The following MGMT variants were observed in gnomAD, a reference collection of about 807,000 sequenced individuals.
MGMT encodes methylated-DNA--protein-cysteine methyltransferase.
Under a neutral mutation model 15.9 loss-of-function variants are expected in MGMT, and 14 were observed. That is an observed-to-expected ratio of 0.88 (90% CI 0.58 to 1.37). The LOEUF is 1.37. Among genes scored for constraint, MGMT ranks in the 40% most tolerant of loss-of-function variants. MGMT has a pLI of 0.00. For synonymous variants in MGMT, 130 were observed against 118.2 expected, an observed-to-expected ratio of 1.10 and a Z score of -0.65; for missense variants, 282 against 268.1, an observed-to-expected ratio of 1.05 and a Z score of -0.36.
intron 1 of MGMT, among the ~76,000 whole-genome samples, chr10:129,481,803 A>G (rs1339818788): frequency 6.6e-6 from 1 of 152,072 alleles, no homozygotes; most frequent in African/African-American, 2.4e-5. Flanking sequence ...TATTCCTGAT[A>G]TTGGTAATTT....
chr10:129,594,863 C>A (rs774068534), intron 2 of MGMT, among the ~76,000 whole-genome samples: 15 of 152,202 alleles, frequency 9.9e-5, no homozygotes, highest in African/African-American at 3.4e-4. Flanking sequence ...TATTCCCCTG[C>A]GAGTTACACA....
At chr10:129,683,357 A>G (rs1847873683) in intron 2 of MGMT, among the ~76,000 whole-genome samples, 1 of 152,210 alleles carries the variant, frequency 6.6e-6, no homozygotes, top group African/African-American at 2.4e-5. Flanking sequence ...GGCTGGAAAA[A>G]TGTGGCTGAA....
intron 2 of MGMT, among the ~76,000 whole-genome samples, chr10:129,549,695 A>T (rs1846134603): frequency 6.6e-6 from 1 of 152,148 alleles, no homozygotes; most frequent in South Asian, 2.1e-4. Flanking sequence ...CAGTCTAGAG[A>T]TGATAAAATT....
rs1847934700 is a variant in MGMT, at chr10:129,688,445, T to C, written c.126-19450T>C. Among the ~76,000 whole-genome samples, 4 of 152,358 alleles carry C rather than the reference T, an allele frequency of 2.6e-5. 1 individual carries two copies. The highest frequency in any genetic ancestry group is 9.6e-5 in the African/African-American group (4 of 41,572). ...TTTGCATTTCTCTGATGGCCAGTGA[T>C]GGTGAGCATTTTTTCATGTGTCTGT... On this transcript the variant is annotated intron_variant, in intron 2 of 4. Coordinates refer to ENST00000651593, the MANE Select transcript of MGMT (RefSeq NM_002412.5).
chr10:129,766,746 T>C (rs1209800977), intron 4 of MGMT, 42 bp from the exon 5 acceptor site: 5 of 1,571,968 alleles, frequency 3.2e-6, no homozygotes, highest in Admixed American at 3.5e-5. Context: ...GACCTCGTTG[T>C]CCAGATCCCT....
At chr10:129,612,793 G>T (rs374371221) in intron 2 of MGMT, among the ~76,000 whole-genome samples, 3 of 152,254 alleles carry the variant, frequency 2.0e-5, no homozygotes, top group Middle Eastern at 3.4e-3. Flanking sequence ...CTTCGTTTCG[G>T]CATCTCTGTA....
At chr10:129,662,790 C>T (rs1278798490) in intron 2 of MGMT, among the ~76,000 whole-genome samples, 1 of 151,934 alleles carries the variant, frequency 6.6e-6, no homozygotes, top group Non-Finnish European at 1.5e-5. Flanking sequence ...TGGGATTAGA[C>T]CAAGCAGAAA....
chr10:129,664,808 C>G (rs1847639039), intron 2 of MGMT, among the ~76,000 whole-genome samples: 1 of 152,052 alleles, frequency 6.6e-6, no homozygotes, highest in Non-Finnish European at 1.5e-5. Context: ...GGCACTTCAC[C>G]AAAGAATGCA....
At chr10:129,601,538 C>A (rs1846821901) in intron 2 of MGMT, among the ~76,000 whole-genome samples, 2 of 152,286 alleles carry the variant, frequency 1.3e-5, no homozygotes, top group South Asian at 4.1e-4. Context: ...CTTCTGGCTT[C>A]CTGGATCCTG....
intron 2 of MGMT, among the ~76,000 whole-genome samples, chr10:129,663,123 A>G (rs1025270656): frequency 2.0e-5 from 3 of 152,220 alleles, no homozygotes; most frequent in African/African-American, 7.2e-5. Context: ...AATATTTACA[A>G]AAGCTTATCA....
intron 2 of MGMT, among the ~76,000 whole-genome samples, chr10:129,571,058 C>T (rs1473459052): frequency 6.6e-6 from 1 of 152,114 alleles, no homozygotes; most frequent in Non-Finnish European, 1.5e-5. Context: ...AGTAACAAGT[C>T]GAATAGAAAT....
At chr10:129,715,654 C>T (rs1848285852) in intron 3 of MGMT, 1 of 152,160 alleles carries the variant, frequency 6.6e-6, no homozygotes, top group Non-Finnish European at 1.5e-5. Context: ...GTAGAATTAT[C>T]TCCACTACCT....
At chr10:129,694,679 T>C (rs1564763943) in intron 2 of MGMT, among the ~76,000 whole-genome samples, 1 of 152,154 alleles carries the variant, frequency 6.6e-6, no homozygotes. Flanking sequence ...TGGAACATAA[T>C]TGGATTCTTC....
At chr10:129,651,810 G>A (rs1847461663) in intron 2 of MGMT, among the ~76,000 whole-genome samples, 1 of 152,168 alleles carries the variant, frequency 6.6e-6, no homozygotes, top group African/African-American at 2.4e-5. Context: ...TTCTTCATTC[G>A]AGAGCATGTG....
chr10:129,692,251 G>C (rs1477959871), intron 2 of MGMT, among the ~76,000 whole-genome samples: 1 of 152,206 alleles, frequency 6.6e-6, no homozygotes, highest in East Asian at 1.9e-4. Flanking sequence ...CCAGCAGAGA[G>C]TGGTCAGGAA....
At chr10:129,616,873 G>A (rs779251784) in intron 2 of MGMT, among the ~76,000 whole-genome samples, 1 of 152,056 alleles carries the variant, frequency 6.6e-6, no homozygotes, top group Admixed American at 6.5e-5. Context: ...CTCCTCCCCC[G>A]AGGAGGTGGT....
In MGMT at chr10:129,514,416, T is replaced by C. The variant is rs540907751; in HGVS notation, c.-12-21825T>C. 3.3e-5 allele frequency among the ~76,000 whole-genome samples: 5 copies of C among 152,356 alleles called. No homozygotes were observed. In the South Asian group the frequency reaches 1.0e-3, roughly 32 times the overall value. Reference sequence around the variant, plus strand: ...AGATTCCATGTATAAATGTGGATTTTATGTATATCTTTCCCCGTGTATATT... The same window carrying C: ...AGATTCCATGTATAAATGTGGATTTCATGTATATCTTTCCCCGTGTATATT... On this transcript the variant is annotated intron_variant, in intron 1 of 4. Coordinates refer to ENST00000651593, the MANE Select transcript of MGMT (RefSeq NM_002412.5).
At chr10:129,738,912 G>A (rs1206019417) in intron 3 of MGMT, among the ~76,000 whole-genome samples, 2 of 152,156 alleles carry the variant, frequency 1.3e-5, no homozygotes, top group African/African-American at 4.8e-5. Context: ...TCAATAAAAT[G>A]CTGGCAAACC....
intron 2 of MGMT, among the ~76,000 whole-genome samples, chr10:129,661,628 G>A (rs184140806): frequency 6.6e-6 from 1 of 152,052 alleles, no homozygotes; most frequent in Admixed American, 6.5e-5. Flanking sequence ...TGTCTAACAA[G>A]TTATACATAT....
Sources: allele counts gnomAD v4.1 joint callset (sites outside exome capture counted in the v4.1 genomes callset), GRCh38; gene constraint gnomAD v4.1.1; transcripts MANE v1.5; gene names NCBI Gene and HGNC (gene_info 2026-07-23, HGNC 2026-07-21).